SPOCK2: variants seen among roughly 807,000 people sequenced by gnomAD.
The protein encoded by SPOCK2 is SPARC (osteonectin), cwcv and kazal like domains proteoglycan 2.
Under a neutral mutation model 60.1 loss-of-function variants are expected in SPOCK2, and 39 were observed. The observed-to-expected ratio is 0.65, with a 90% CI of 0.50 to 0.85. The LOEUF is 0.85. SPOCK2 is among the 40% of genes least tolerant of loss of function. The pLI, the probability that SPOCK2 is intolerant of heterozygous loss-of-function variation, is 0.00. For missense variants in SPOCK2, 523 were observed against 567.4 expected (o/e 0.92, Z 0.80); for synonymous variants, 217 against 231.5 (o/e 0.94, Z 0.57).
rs1195213341 is a variant in SPOCK2, at chr10:72,061,370, C to G, written c.*1390G>C. The G allele has an allele frequency of 6.6e-6, 1 of 152,362 alleles. No individual in the cohort carries two copies. The highest frequency in any genetic ancestry group is 2.4e-5 in the African/African-American group (1 of 41,460). The allele number at this position is 152,362 out of a possible 1,614,324, so 9.4% of individuals were successfully genotyped here. A position where few individuals can be genotyped will look rare whatever the true frequency, so the allele number is the denominator to read the frequency against. ...TTCAAAACAGAGCTTGGGGAAGCCC[C>G]TCTGCGGGGCAGCCCTAGGGAATCC... On this transcript the variant is annotated 3_prime_UTR_variant, in exon 11 of 11. Coordinates refer to ENST00000373109, the MANE Select transcript of SPOCK2 (RefSeq NM_001244950.2).
chr10:72,082,810 C>T (rs1840803957), intron 1 of SPOCK2, among the ~76,000 whole-genome samples: 1 of 134,558 alleles, frequency 7.4e-6, no homozygotes, highest in African/African-American at 2.8e-5. Context: ...GCCAGGATTG[C>T]ATCACTGCAC....
chr10:72,071,381 G>T (rs1245572), intron 4 of SPOCK2, among the ~76,000 whole-genome samples: 56,962 of 151,886 alleles, frequency 0.38, 11,172 homozygotes, highest in Middle Eastern at 0.52. Context: ...TAGAGATGGG[G>T]TTTCACCACA....
rs1840873939 is a variant in SPOCK2, at chr10:72,087,321, A to G, written c.189+819T>C. ...GCCCCCACCCCGCGGAGTTCGGCCC[A>G]AGGTTACGCCGGGGTTCGGGCGGCG... On this transcript the variant is annotated intron_variant, in intron 1 of 10. Transcript: ENST00000373109. The surrounding 1 kb of genome is among the most constrained non-coding windows in gnomAD (Gnocchi z 4.7). Among the ~76,000 whole-genome samples the G allele has an allele frequency of 6.7e-6, 1 of 149,390 alleles. No homozygotes were observed.
At chr10:72,072,747 C>G (rs1840667095) in intron 2 of SPOCK2, 155 bp downstream of exon 2, 2 of 1,384,304 alleles carry the variant, frequency 1.4e-6, no homozygotes, top group Non-Finnish European at 2.0e-6. Flanking sequence ...TGTCCAGAAT[C>G]CTTTCCAGCC....
rs896818286 is a variant in SPOCK2 at position 72,087,288 on chromosome 10, A to AC, written c.189+851dup. On this transcript the variant is annotated intron_variant, in intron 1 of 10. Transcript: ENST00000373109. This position sits in a 1 kb window ranked among gnomAD's most constrained non-coding sequence, Gnocchi z 4.7. Reference sequence around the variant, plus strand: ...GCCGGTAAACAAAAGTGCCGCAGCTACCCCCCCGCCCCCACCCCGCGGAGT... The same window carrying AC: ...GCCGGTAAACAAAAGTGCCGCAGCTACCCCCCCCGCCCCCACCCCGCGGAGT... Among the ~76,000 whole-genome samples the AC allele has an allele frequency of 4.7e-5, 7 of 147,740 alleles. No homozygotes were observed. Among genetic ancestry groups the AC allele is most frequent in the Admixed American group, 2.0e-4 (3 of 14,978 alleles).
chr10:72,064,393 T>C (rs2131809836), intron 8 of SPOCK2, among the ~76,000 whole-genome samples, 153 bp from the exon 9 acceptor site: 1 of 152,276 alleles, frequency 6.6e-6, no homozygotes. Context: ...GGGTGGGAAG[T>C]ACAAGGGTTC....
Position 72,087,135 on chromosome 10 carries a change from G to C in SPOCK2, c.189+1005C>G. On this transcript the variant is annotated intron_variant, in intron 1 of 10. Transcript: ENST00000373109. The surrounding 1 kb of genome is among the most constrained non-coding windows in gnomAD (Gnocchi z 4.7). ...CCCCACAGCACCCCCAACGATCTCGGGGTCCAGCCACACCCTCCGCCCGCC... is the reference window on the plus strand; with the variant it reads ...CCCCACAGCACCCCCAACGATCTCGCGGTCCAGCCACACCCTCCGCCCGCC... The C allele has an allele frequency of 1.1e-6, 1 of 923,578 alleles. No individual in the cohort carries two copies. Among genetic ancestry groups the C allele is most frequent in the Non-Finnish European group, 1.6e-6 (1 of 637,134 alleles). The allele number at this position is 923,578 out of a possible 1,614,324, so 57.2% of individuals were successfully genotyped here. A position where few individuals can be genotyped will look rare whatever the true frequency, so the allele number is the denominator to read the frequency against.
At chr10:72,071,897 A>C (rs1840651178) in intron 4 of SPOCK2, among the ~76,000 whole-genome samples, 1 of 152,162 alleles carries the variant, frequency 6.6e-6, no homozygotes, top group Non-Finnish European at 1.5e-5. Flanking sequence ...TTTCAGATGA[A>C]ACAGCCCCAG....
chr10:72,084,022 T>C (rs891277497), intron 1 of SPOCK2, among the ~76,000 whole-genome samples: 2 of 152,102 alleles, frequency 1.3e-5, no homozygotes, highest in African/African-American at 4.8e-5. Context: ...CTTCTTGGTG[T>C]TCCTAAACAC....
At chr10:72,086,570 C>T in intron 1 of SPOCK2, 2 of 1,145,012 alleles carry the variant, frequency 1.7e-6, no homozygotes, top group South Asian at 1.8e-5. Context: ...TGTGGCCGGG[C>T]TGCTGCCCAG....
chr10:72,062,986 C>T lies in SPOCK2; in HGVS notation c.1129+39G>A, dbSNP rs1418145626. ...GCATCCCACGACAAGGGCCCCCAGG[C>T]CTGGGCCCCCAGCAGGCCCTGAGCT... is the stretch of plus-strand genomic sequence containing the variant. On this transcript the variant is annotated intron_variant, in intron 10 of 10. Coordinates refer to ENST00000373109, the MANE Select transcript of SPOCK2 (RefSeq NM_001244950.2). This position sits in a 1 kb window ranked among gnomAD's most constrained non-coding sequence, Gnocchi z 4.3. 1 of 1,571,562 alleles carries T rather than the reference C, an allele frequency of 6.4e-7. No individual in the cohort carries two copies. The highest frequency in any genetic ancestry group is 8.6e-7 in the Non-Finnish European group (1 of 1,159,870).
chr10:72,086,006 T>G lies in SPOCK2; in HGVS notation c.189+2134A>C, dbSNP rs1589127044. Among the ~76,000 whole-genome samples, 3 of 152,298 alleles carry G rather than the reference T, an allele frequency of 2.0e-5. No homozygotes were observed. In the Middle Eastern group the frequency reaches 0.01, roughly 518 times the overall value. ...AGTGGCTCTGAGCTAGCAGCCTCCT[T>G]CCTGCCTTTCTGCAGAGGCTGTCAA... On this transcript the variant is annotated intron_variant, in intron 1 of 10. Transcript: ENST00000373109.
chr10:72,064,194 G>A lies in SPOCK2; in HGVS notation c.975C>T (p.Ala325=), dbSNP rs370707001. The change falls in exon 9 of 11, where the codon GCC becomes GCT. Residue 325 remains alanine (A), a synonymous_variant. Transcript: ENST00000373109. ...GCCCCTCACCTGGCTTCTTCTTGGC[G>A]GCCTCCTGGATCTGGATGCGCTCCA... ...AELERIQIQE[A]AKKKPGIFIP... 5.8e-5 allele frequency: 94 copies of A among 1,611,968 alleles called. No homozygotes were observed. In the African/African-American group the frequency reaches 7.6e-4, roughly 13 times the overall value.
intron 1 of SPOCK2, among the ~76,000 whole-genome samples, chr10:72,073,197 C>T (rs1453990925): frequency 1.3e-5 from 2 of 152,346 alleles, no homozygotes; most frequent in East Asian, 3.9e-4. Flanking sequence ...AGTCCAGCCC[C>T]AGCCCCACCA....
intron 9 of SPOCK2, 93 bp downstream of exon 9, chr10:72,064,085 G>C (rs1840533161): frequency 6.6e-7 from 1 of 1,504,396 alleles, no homozygotes; most frequent in Non-Finnish European, 9.0e-7. Flanking sequence ...CTCCATGTCT[G>C]CCATGAGGCC....
Position 72,088,408 on chromosome 10 carries a change from G to A in SPOCK2, c.-80C>T. 7.0e-7 allele frequency: 1 copy of A among 1,421,520 alleles called. No homozygotes were observed. The highest frequency in any genetic ancestry group is 9.2e-7 in the Non-Finnish European group (1 of 1,085,356). The allele number at this position is 1,421,520 out of a possible 1,614,324, so 88.1% of individuals were successfully genotyped here. A position where few individuals can be genotyped will look rare whatever the true frequency, so the allele number is the denominator to read the frequency against. On this transcript the variant is annotated 5_prime_UTR_variant, in exon 1 of 11. Coordinates refer to ENST00000373109, the MANE Select transcript of SPOCK2 (RefSeq NM_001244950.2). ...TTCCTCCCACCCCGCTGCTGGCGAA[G>A]CGCACGCGGCTGTCCTCAGCTCTCC...
chr10:72,088,463 A>C lies in SPOCK2; in HGVS notation c.-135T>G. On this transcript the variant is annotated 5_prime_UTR_variant, in exon 1 of 11. Transcript: ENST00000373109. ...GCGGTCTGCCTCCGGTGACTGGCGG[A>C]GAGTGGGTCGCGGCTGAAATGTGAC... 1.0e-5 allele frequency: 11 copies of C among 1,074,510 alleles called. No individual in the cohort carries two copies. The highest frequency in any genetic ancestry group is 1.4e-5 in the Non-Finnish European group (11 of 773,604). 66.6% of individuals were successfully genotyped at this position (1,074,510 alleles called of 1,614,324 possible).
intron 4 of SPOCK2, among the ~76,000 whole-genome samples, chr10:72,070,771 A>G (rs1219123262): frequency 6.6e-6 from 1 of 152,074 alleles, no homozygotes; most frequent in Non-Finnish European, 1.5e-5. Flanking sequence ...TTGCAAACTG[A>G]TGACCTCTGG....
chr10:72,080,226 A>G (rs745649696), intron 1 of SPOCK2, among the ~76,000 whole-genome samples: 1 of 152,228 alleles, frequency 6.6e-6, no homozygotes, highest in African/African-American at 2.4e-5. Flanking sequence ...ATAAGACTGA[A>G]TACACCACAA....
Sources: gnomAD v4.1 joint callset for allele counts (sites outside exome capture counted in the v4.1 genomes callset) on GRCh38, gnomAD v4.1.1 for gene constraint, Gnocchi (gnomAD v3.1) non-coding constraint, MANE v1.5 for transcripts, NCBI Gene and HGNC (gene_info 2026-07-23, HGNC 2026-07-21) for gene names.